The following LINGO2 variants were observed in gnomAD, a reference collection of about 807,000 sequenced individuals.
The protein encoded by LINGO2 is leucine-rich repeat and immunoglobulin-like domain-containing nogo receptor-interacting protein 2.
Under a neutral mutation model 30.6 loss-of-function variants are expected in LINGO2, and 14 were observed. That is an observed-to-expected ratio of 0.46 (90% CI 0.30 to 0.72). LINGO2 has a LOEUF of 0.72. Ranked by LOEUF, LINGO2 falls within the 30% of genes least tolerant of loss-of-function variation. LINGO2 has a pLI of 0.07. For synonymous variants in LINGO2, 317 were observed against 288.5 expected, an observed-to-expected ratio of 1.10 and a Z score of -1.00; for missense variants, 729 against 751.7, an observed-to-expected ratio of 0.97 and a Z score of 0.35.
chr9:28,292,058 TA>T (rs1823750131), intron 4 of LINGO2, among the ~76,000 whole-genome samples: 1 of 152,206 alleles, frequency 6.6e-6, no homozygotes, highest in Non-Finnish European at 1.5e-5. Flanking sequence ...TAGAATTTCA[TA>T]ACTAGTAAAA....
At chr9:28,936,742 C>T in the LINGO2 span, among the ~76,000 whole-genome samples, 3 of 152,090 alleles carry the variant, frequency 2.0e-5, no homozygotes, top group African/African-American at 4.8e-5. Context: ...AATATTATTG[C>T]CATTATTATT....
the LINGO2 span, among the ~76,000 whole-genome samples, chr9:28,709,195 C>A: frequency 1.3e-5 from 2 of 152,100 alleles, no homozygotes; most frequent in South Asian, 4.1e-4. Flanking sequence ...TACTAACATG[C>A]CCTATCTCTA....
exon 6 of LINGO2, chr9:27,949,070 A>G: frequency 6.2e-7 from 1 of 1,614,190 alleles, no homozygotes; most frequent in Non-Finnish European, 8.5e-7. Flanking sequence ...GGTCCAGGGA[A>G]AAAGTATTGG....
At chr9:28,618,221 T>G (rs1312699964) in intron 1 of LINGO2, among the ~76,000 whole-genome samples, 3 of 152,132 alleles carry the variant, frequency 2.0e-5, no homozygotes, top group Non-Finnish European at 4.4e-5. Flanking sequence ...CAACCTGGTC[T>G]TCCTTTATTC....
At chr9:29,179,744 T>C in the LINGO2 span, among the ~76,000 whole-genome samples, 2 of 152,178 alleles carry the variant, frequency 1.3e-5, no homozygotes, top group Non-Finnish European at 1.5e-5. Context: ...GTGCTATTAA[T>C]TCCCTAATAT....
chr9:28,486,286 C>T (rs762865163), intron 1 of LINGO2, among the ~76,000 whole-genome samples: 18 of 152,102 alleles, frequency 1.2e-4, no homozygotes, highest in Non-Finnish European at 2.2e-4. Flanking sequence ...TGAAAGATTC[C>T]GTGTGGCAAT....
the LINGO2 span, among the ~76,000 whole-genome samples, chr9:28,722,083 G>A: frequency 6.6e-6 from 1 of 151,936 alleles, no homozygotes; most frequent in Non-Finnish European, 1.5e-5. Context: ...CATAATAGGA[G>A]GGTACCAATA....
At chr9:28,060,749 G>A (rs1825117988) in intron 4 of LINGO2, among the ~76,000 whole-genome samples, 1 of 152,148 alleles carries the variant, frequency 6.6e-6, no homozygotes, top group South Asian at 2.1e-4. Flanking sequence ...GATTAAATAC[G>A]ACAGCAAATC....
intron 1 of LINGO2, among the ~76,000 whole-genome samples, chr9:28,588,746 C>T (rs1824706185): frequency 6.6e-6 from 1 of 151,990 alleles, no homozygotes; most frequent in African/African-American, 2.4e-5. Flanking sequence ...TTCCTTAAAT[C>T]CTGAGCTAAA....
chr9:28,780,673 CT>C, the LINGO2 span, among the ~76,000 whole-genome samples: 1 of 151,804 alleles, frequency 6.6e-6, no homozygotes, highest in South Asian at 2.1e-4. Flanking sequence ...TTGTGTATTA[CT>C]TTTAAGGGAA....
chr9:28,815,868 T>A, the LINGO2 span, among the ~76,000 whole-genome samples: 1 of 152,222 alleles, frequency 6.6e-6, no homozygotes, highest in Non-Finnish European at 1.5e-5. Context: ...GCCAATTCTT[T>A]CTTAACAGGT....
intron 2 of LINGO2, among the ~76,000 whole-genome samples, chr9:28,427,864 G>A (rs978428642): frequency 3.9e-5 from 6 of 151,986 alleles, no homozygotes; most frequent in Non-Finnish European, 5.9e-5. Flanking sequence ...TATAGAGCTC[G>A]GCATAACTGA....
At chr9:28,800,180 G>A in the LINGO2 span, among the ~76,000 whole-genome samples, 8 of 152,052 alleles carry the variant, frequency 5.3e-5, no homozygotes, top group South Asian at 2.1e-4. Context: ...TAGGTTCCTC[G>A]TTTCTTTTCA....
At chr9:28,642,686 C>G (rs4463512) in intron 1 of LINGO2, among the ~76,000 whole-genome samples, 55,956 of 151,814 alleles carry the variant, frequency 0.37, 11,534 homozygotes, top group African/African-American at 0.55. Context: ...AAAGAAGACA[C>G]ACATGGGGCA....
rs141535529 is a variant in LINGO2 at position 28,064,421 on chromosome 9, G to A, written c.-86-52016C>T. The stretch of plus-strand genomic sequence containing the variant: ...AAATGGGACGAAGCCAGGCAGGTCT[G>A]CATTGACGAACCAGCTGGGCTTGTC... On this transcript the variant is annotated intron_variant, in intron 4 of 5. Coordinates refer to ENST00000379992, the Ensembl canonical transcript of LINGO2. 5.5e-3 allele frequency among the ~76,000 whole-genome samples: 834 copies of A among 152,198 alleles called. 14 individuals are homozygous for A. Among genetic ancestry groups the A allele is most frequent in the African/African-American group, 0.019 (795 of 41,552 alleles).
intron 4 of LINGO2, among the ~76,000 whole-genome samples, chr9:28,047,268 C>A (rs778970836): frequency 2.0e-5 from 3 of 152,052 alleles, no homozygotes; most frequent in African/African-American, 7.2e-5. Flanking sequence ...ACTCTTTGGT[C>A]GGAGCTTGCC....
the LINGO2 span, among the ~76,000 whole-genome samples, chr9:29,130,504 G>C: frequency 5.1e-4 from 78 of 152,202 alleles, no homozygotes; most frequent in African/African-American, 1.8e-3. Flanking sequence ...AAACTTGAGT[G>C]AACTTGATGC....
chr9:28,088,309 C>A (rs865993652), intron 4 of LINGO2, among the ~76,000 whole-genome samples: 3 of 151,834 alleles, frequency 2.0e-5, no homozygotes, highest in African/African-American at 7.3e-5. Context: ...CAGTTACATA[C>A]AAGGCAACAC....
At chr9:29,054,117 T>A in the LINGO2 span, among the ~76,000 whole-genome samples, 1 of 152,134 alleles carries the variant, frequency 6.6e-6, no homozygotes, top group Admixed American at 6.6e-5. Flanking sequence ...CAGCTCAAAT[T>A]TAATGAGCTA....
Sources: gnomAD v4.1 joint callset for allele counts (sites outside exome capture counted in the v4.1 genomes callset) on GRCh38, gnomAD v4.1.1 for gene constraint, MANE v1.5 for transcripts, NCBI Gene and HGNC (gene_info 2026-07-23, HGNC 2026-07-21) for gene names.